The following TCF12 variants were observed in gnomAD, a reference collection of about 807,000 sequenced individuals.
The protein encoded by TCF12 is DNA-binding protein HTF4.
In TCF12, 45 loss-of-function variants were observed where a neutral mutation model predicts 86.0. The observed-to-expected ratio is 0.52, with a 90% CI of 0.41 to 0.67. The LOEUF (loss-of-function observed/expected upper bound fraction) is 0.67. Ranked by LOEUF, TCF12 falls within the 30% of genes least tolerant of loss-of-function variation. The probability of loss-of-function intolerance (pLI) is 0.00; values close to 1 mark genes in which losing one functional copy is unlikely to be tolerated. For synonymous variants in TCF12, 330 were observed against 299.6 expected, an observed-to-expected ratio of 1.10 and a Z score of -1.05; for missense variants, 881 against 859.9, an observed-to-expected ratio of 1.02 and a Z score of -0.31.
intron 3 of TCF12, among the ~76,000 whole-genome samples, chr15:57,043,750 G>A (rs542741640): frequency 6.6e-6 from 1 of 152,208 alleles, no homozygotes; most frequent in South Asian, 2.1e-4. Context: ...TAGTAGTTTT[G>A]TATTTGTCCA....
At chr15:57,028,811 T>TC (rs1407333151) in intron 3 of TCF12, among the ~76,000 whole-genome samples, 1 of 152,118 alleles carries the variant, frequency 6.6e-6, no homozygotes, top group African/African-American at 2.4e-5. Context: ...CTTTTTTTTT[T>TC]CTTTTTGGAG....
chr15:56,939,460 T>C (rs1410918415), intron 3 of TCF12, among the ~76,000 whole-genome samples: 1 of 152,194 alleles, frequency 6.6e-6, no homozygotes, highest in Non-Finnish European at 1.5e-5. Context: ...GAACAAAGTA[T>C]TTCTGTTGGG....
At position 57,289,332 on chromosome 15, in the gene TCF12, G is replaced by C. The variant is rs1263943585; in HGVS notation, c.*3187G>C. ...AATCTTAGAGCTGAAATAAAATATA[G>C]AGACCATCTAGTAAATGACCTCATT... On this transcript the variant is annotated 3_prime_UTR_variant, in exon 21 of 21. Transcript: ENST00000333725. The C allele has an allele frequency of 6.6e-6, 1 of 152,104 alleles. No homozygotes were observed. Among genetic ancestry groups the C allele is most frequent in the Non-Finnish European group, 1.5e-5 (1 of 68,018 alleles). 9.4% of individuals were successfully genotyped at this position (152,104 alleles called of 1,614,324 possible).
At position 57,056,451 on chromosome 15, in the gene TCF12, T is replaced by G. The variant is rs561950614; in HGVS notation, c.149-7299T>G. ...GCCACTGCACCCAGCCAATTTTAGT[T>G]ATTTTTAATTAATTTATTTATTTAT... On this transcript the variant is annotated intron_variant, in intron 3 of 20. Transcript: ENST00000333725. Among the ~76,000 whole-genome samples the G allele has an allele frequency of 2.6e-5, 4 of 152,072 alleles. No individual in the cohort carries two copies. In the South Asian group the frequency reaches 8.3e-4, roughly 32 times the overall value.
intron 8 of TCF12, among the ~76,000 whole-genome samples, chr15:57,220,142 T>C (rs2058522390): frequency 6.6e-6 from 1 of 152,210 alleles, no homozygotes; most frequent in Non-Finnish European, 1.5e-5. Context: ...AACTTGAGTT[T>C]CTGAGTTGTT....
chr15:57,154,424 A>G (rs1376221167), intron 5 of TCF12, among the ~76,000 whole-genome samples: 1 of 152,170 alleles, frequency 6.6e-6, no homozygotes, highest in Non-Finnish European at 1.5e-5. Context: ...GTGCTCCCCT[A>G]AAACCACTTT....
At chr15:56,927,056 G>A (rs1183537517) in intron 3 of TCF12, among the ~76,000 whole-genome samples, 1 of 152,164 alleles carries the variant, frequency 6.6e-6, no homozygotes, top group African/African-American at 2.4e-5. Flanking sequence ...AGAAGTAAAG[G>A]ATTGTTAGAA....
intron 3 of TCF12, among the ~76,000 whole-genome samples, chr15:56,988,029 G>A (rs2063277780): frequency 6.6e-6 from 1 of 152,112 alleles, no homozygotes; most frequent in African/African-American, 2.4e-5. Flanking sequence ...TGCTTATAAA[G>A]TTAATGTGCT....
intron 6 of TCF12, among the ~76,000 whole-genome samples, chr15:57,190,138 G>C (rs559317965): frequency 1.2e-4 from 18 of 152,296 alleles, no homozygotes; most frequent in African/African-American, 3.8e-4. Flanking sequence ...TGATGAGACT[G>C]TTCTGAAACC....
At chr15:57,180,251 T>C (rs2056242169) in intron 6 of TCF12, among the ~76,000 whole-genome samples, 1 of 152,202 alleles carries the variant, frequency 6.6e-6, no homozygotes, top group Non-Finnish European at 1.5e-5. Context: ...TTTGATTTGA[T>C]TATGACTTGG....
At chr15:57,067,108 C>T (rs2068944335) in intron 4 of TCF12, among the ~76,000 whole-genome samples, 3 of 152,236 alleles carry the variant, frequency 2.0e-5, no homozygotes, top group Middle Eastern at 3.4e-3. Flanking sequence ...GTGTGTCTGC[C>T]CTTGCTTTTA....
intron 3 of TCF12, among the ~76,000 whole-genome samples, chr15:57,050,972 A>C (rs2067572621): frequency 6.6e-6 from 1 of 151,922 alleles, no homozygotes; most frequent in African/African-American, 2.4e-5. Context: ...TTCTTATTCC[A>C]CCATCTTTGT....
At chr15:57,035,106 C>A (rs967244422) in intron 3 of TCF12, among the ~76,000 whole-genome samples, 1 of 151,956 alleles carries the variant, frequency 6.6e-6, no homozygotes, top group African/African-American at 2.4e-5. Context: ...TTCTTTTATT[C>A]TTACAACCCC....
chr15:56,946,704 A>G (rs1396410002), intron 3 of TCF12, among the ~76,000 whole-genome samples: 1 of 151,654 alleles, frequency 6.6e-6, no homozygotes. Flanking sequence ...TTAGAGATGT[A>G]AGGCTTTTTT....
At position 57,192,562 on chromosome 15, in the gene TCF12, A is replaced by AT. The variant is rs546902952; in HGVS notation, c.526+275dup. Among the ~76,000 whole-genome samples the AT allele has an allele frequency of 2.4e-3, 366 of 151,784 alleles. 4 individuals are homozygous for AT. The highest frequency in any genetic ancestry group is 3.9e-3 in the Non-Finnish European group (267 of 67,912). ...TGCCACTGTGCCTGGCTAGTTTTTT[A>AT]TTTTTTGTAGAGACAGGGTTTTGCC... On this transcript the variant is annotated intron_variant, in intron 7 of 20. Transcript: ENST00000333725.
chr15:57,187,355 A>G (rs1409287934), intron 6 of TCF12, among the ~76,000 whole-genome samples: 3 of 152,142 alleles, frequency 2.0e-5, no homozygotes, highest in Non-Finnish European at 2.9e-5. Context: ...TTGGGAACAA[A>G]ACAGTGTTTT....
chr15:57,275,327 G>GGTGTGTGTGTGT lies in TCF12; in HGVS notation c.1978+2090_1978+2101dup, dbSNP rs1171707504. On this transcript the variant is annotated intron_variant, in intron 19 of 20. Coordinates refer to ENST00000333725, the MANE Select transcript of TCF12 (RefSeq NM_207037.2). ...AGCCCAGGGATCTTTGTAAGGTAGG[G>GGTGTGTGTGTGT]GTGTGTGTGTGTGTGTGTGTGTGTG... 1.7e-3 allele frequency among the ~76,000 whole-genome samples: 107 copies of GGTGTGTGTGTGT among 64,084 alleles called. 8 individuals carry two copies. Among genetic ancestry groups the GGTGTGTGTGTGT allele is most frequent in the East Asian group, 0.012 (26 of 2,150 alleles). 42.0% of individuals were successfully genotyped at this position (64,084 alleles called of 152,430 possible).
chr15:57,111,201 A>G (rs1421474015), intron 5 of TCF12, among the ~76,000 whole-genome samples: 1 of 152,128 alleles, frequency 6.6e-6, no homozygotes, highest in Non-Finnish European at 1.5e-5. Flanking sequence ...TCTTGGTGGA[A>G]GGAATGTGTT....
At chr15:57,023,321 G>A (rs1294116457) in intron 3 of TCF12, among the ~76,000 whole-genome samples, 3 of 151,990 alleles carry the variant, frequency 2.0e-5, no homozygotes, top group Non-Finnish European at 4.4e-5. Flanking sequence ...AATCCTCATG[G>A]GAACTTCAAA....
Sources: gnomAD v4.1 joint callset for allele counts (sites outside exome capture counted in the v4.1 genomes callset) on GRCh38, gnomAD v4.1.1 for gene constraint, MANE v1.5 for transcripts, NCBI Gene and HGNC (gene_info 2026-07-23, HGNC 2026-07-21) for gene names.